TUBB8B: variants seen among roughly 807,000 people sequenced by gnomAD.
TUBB8B encodes the protein HSA18p11 beta-tubulin 4Q pseudogene.
Under a neutral mutation model 31.9 loss-of-function variants are expected in TUBB8B, and 26 were observed. That is an observed-to-expected ratio of 0.81 (90% CI 0.60 to 1.13). The LOEUF is 1.13. Among genes scored for constraint, TUBB8B ranks in the 50% most tolerant of loss-of-function variants. The pLI, the probability that TUBB8B is intolerant of heterozygous loss-of-function variation, is 0.00. For missense variants in TUBB8B, 467 were observed against 586.7 expected, an observed-to-expected ratio of 0.80 and a Z score of 2.11; for synonymous variants, 173 against 231.0, an observed-to-expected ratio of 0.75 and a Z score of 2.28.
upstream of TUBB8B, chr18:50,105 A>T (rs1356543123): frequency 4.5e-5 from 16 of 356,214 alleles, no homozygotes; most frequent in Non-Finnish European, 7.2e-5. Flanking sequence ...CGTCTGATTT[A>T]GCTGGAGTCT....
At chr18:63,999 C>T in the TUBB8B span, among the ~76,000 whole-genome samples, 2 of 149,204 alleles carry the variant, frequency 1.3e-5, no homozygotes, top group East Asian at 4.0e-4. Context: ...TTAACCATGA[C>T]CCCTAACCAC....
chr18:72,755 G>C, the TUBB8B span, among the ~76,000 whole-genome samples: 1 of 152,098 alleles, frequency 6.6e-6, no homozygotes, highest in East Asian at 1.9e-4. Flanking sequence ...ACCTGATGAG[G>C]TTGGGAGTTC....
the TUBB8B span, among the ~76,000 whole-genome samples, chr18:57,201 A>G: frequency 6.6e-6 from 1 of 151,774 alleles, no homozygotes; most frequent in East Asian, 1.9e-4. Flanking sequence ...AATAATCCCC[A>G]AAGTCTTCAC....
the TUBB8B span, among the ~76,000 whole-genome samples, chr18:61,985 C>A: frequency 6.6e-5 from 10 of 151,734 alleles, no homozygotes; most frequent in African/African-American, 2.4e-4. Context: ...TTCTTTCAGG[C>A]TCAGAACTCC....
intron 1 of TUBB8B, 51 bp downstream of exon 1, chr18:49,450 C>T: frequency 1.1e-6 from 1 of 942,482 alleles, no homozygotes; most frequent in Non-Finnish European, 1.7e-6. Flanking sequence ...CAACATCTTC[C>T]CCAGCCACCC....
chr18:72,754 G>A, the TUBB8B span, among the ~76,000 whole-genome samples: 1 of 152,102 alleles, frequency 6.6e-6, no homozygotes, highest in Non-Finnish European at 1.5e-5. Flanking sequence ...CACCTGATGA[G>A]GTTGGGAGTT....
Position 47,880 on chromosome 18 carries a change from C to G in TUBB8B, c.845G>C (p.Arg282Pro). The change falls in exon 4 of 4, where the codon CGG becomes CCG. Residue 282 changes from arginine to proline, a missense_variant. This residue lies in a region of TUBB8B where 259 missense variants were observed against 380.1 expected (regional missense o/e 0.68). Transcript: ENST00000308911. ...GGTGAGCTCAGCCACAGTCAAGGCC[C>G]GGTACTGCTGGCTGCCCCGGCTGGT... ...PLTSRGSQQY[R>P]ALTVAELTQQ... The G allele has an allele frequency of 6.2e-7, 1 of 1,611,210 alleles. No homozygotes were observed. Among genetic ancestry groups the G allele is most frequent in the Non-Finnish European group, 8.5e-7 (1 of 1,179,498 alleles).
chr18:62,728 G>C, the TUBB8B span, among the ~76,000 whole-genome samples: 1 of 151,766 alleles, frequency 6.6e-6, no homozygotes, highest in African/African-American at 2.4e-5. Context: ...GCCAATAAAT[G>C]TTTAGCTCTT....
chr18:65,544 C>T, the TUBB8B span, among the ~76,000 whole-genome samples: 1 of 152,094 alleles, frequency 6.6e-6, no homozygotes, highest in Non-Finnish European at 1.5e-5. Context: ...CATAAAAACA[C>T]CCAACAAACC....
At chr18:57,488 A>G in the TUBB8B span, among the ~76,000 whole-genome samples, 7 of 151,958 alleles carry the variant, frequency 4.6e-5, no homozygotes, top group South Asian at 1.5e-3. Context: ...AGGGCACACT[A>G]ATGCCTTGGG....
the TUBB8B span, among the ~76,000 whole-genome samples, chr18:69,380 C>T: frequency 6.6e-6 from 1 of 152,298 alleles, no homozygotes; most frequent in South Asian, 2.1e-4. Flanking sequence ...GGGAGGATGG[C>T]TTGAGCCCGG....
chr18:64,402 A>C, the TUBB8B span, among the ~76,000 whole-genome samples: 1 of 152,170 alleles, frequency 6.6e-6, no homozygotes, highest in Non-Finnish European at 1.5e-5. Context: ...AGGAAGTGCT[A>C]ATTAAAAGAA....
chr18:66,994 T>TG, the TUBB8B span, among the ~76,000 whole-genome samples: 3 of 138,466 alleles, frequency 2.2e-5, no homozygotes, highest in Non-Finnish European at 4.6e-5. Flanking sequence ...CTTGTTTTTT[T>TG]TGTTTTTTTT....
rs1905867510 is a variant in TUBB8B at position 48,685 on chromosome 18, C to A, written c.278-238G>T. ...GACCTCGCTGCAGGTGGCTCCTGCC[C>A]ATTCTCAGGAAAGGCAGTAGCCACG... On this transcript the variant is annotated intron_variant, in intron 3 of 3. Coordinates refer to ENST00000308911, the MANE Select transcript of TUBB8B (RefSeq NM_001358689.2). 1.2e-5 allele frequency: 8 copies of A among 662,668 alleles called. 1 individual carries two copies. The South Asian group carries it at 1.4e-4, about 11-fold the overall frequency. 41.0% of individuals were successfully genotyped at this position (662,668 alleles called of 1,614,324 possible).
At chr18:62,998 C>T in the TUBB8B span, among the ~76,000 whole-genome samples, 2 of 151,650 alleles carry the variant, frequency 1.3e-5, no homozygotes, top group Non-Finnish European at 2.9e-5. Flanking sequence ...ATTTCAATCT[C>T]GTTAAATTTA....
intron 1 of TUBB8B, 100 bp from the exon 2 acceptor site, chr18:49,337 T>TA (rs1425438457): frequency 1.4e-6 from 1 of 725,482 alleles, no homozygotes; most frequent in African/African-American, 2.9e-5. Context: ...TAGGCCGCCC[T>TA]GTCCCTGGGG....
chr18:62,156 CAT>C, the TUBB8B span, among the ~76,000 whole-genome samples: 1 of 151,434 alleles, frequency 6.6e-6, no homozygotes, highest in Non-Finnish European at 1.5e-5. Flanking sequence ...TTTAATATGT[CAT>C]GCCACTCTTT....
chr18:63,170 T>C, the TUBB8B span, among the ~76,000 whole-genome samples: 6 of 151,850 alleles, frequency 4.0e-5, no homozygotes, highest in Admixed American at 3.9e-4. Context: ...CATGTTTTCC[T>C]GGATGGCCTT....
chr18:67,413 G>C, the TUBB8B span, among the ~76,000 whole-genome samples: 2 of 152,164 alleles, frequency 1.3e-5, no homozygotes, highest in South Asian at 4.1e-4. Flanking sequence ...CACAATCCTA[G>C]CTCTTCAGCA....
Sources: gnomAD v4.1 joint callset for allele counts (sites outside exome capture counted in the v4.1 genomes callset) on GRCh38, gnomAD v4.1.1 for gene constraint, gnomAD v4.1.1 regional missense constraint, MANE v1.5 for transcripts, NCBI Gene and HGNC (gene_info 2026-07-23, HGNC 2026-07-21) for gene names.